ATAD2: variants seen among roughly 807,000 people sequenced by gnomAD.
ATAD2 encodes ATPase family AAA domain containing 2.
In ATAD2, 62 loss-of-function variants were observed where a neutral mutation model predicts 168.9. The observed-to-expected ratio is 0.37, with a 90% CI of 0.30 to 0.45. The LOEUF is 0.45. Ranked by LOEUF, ATAD2 falls within the 20% of genes least tolerant of loss-of-function variation. ATAD2 has a pLI of 1.00. For synonymous variants in ATAD2, 613 were observed against 571.6 expected, an observed-to-expected ratio of 1.07 and a Z score of -1.03; for missense variants, 1,419 against 1,667.8, an observed-to-expected ratio of 0.85 and a Z score of 2.60.
intron 1 of ATAD2, among the ~76,000 whole-genome samples, chr8:123,403,421 T>A (rs1208580545): frequency 4.0e-5 from 6 of 151,008 alleles, no homozygotes; most frequent in East Asian, 1.9e-4. Flanking sequence ...TTTTTTTTTT[T>A]AAACATTTAT....
At chr8:123,372,733 T>C (rs1334655107) in intron 2 of ATAD2, 47 bp from the exon 3 acceptor site, 1 of 1,427,822 alleles carries the variant, frequency 7.0e-7, no homozygotes, top group Admixed American at 2.1e-5. Flanking sequence ...GACATAACTT[T>C]ATTTTTATTT....
upstream of ATAD2, among the ~76,000 whole-genome samples, chr8:123,400,004 A>G (rs1812975613): frequency 6.6e-6 from 1 of 151,862 alleles, no homozygotes; most frequent in Non-Finnish European, 1.5e-5. This position sits in a 1 kb window ranked among gnomAD's most constrained non-coding sequence, Gnocchi z 4.5. Context: ...TCTCTACTAG[A>G]AATACAAAAA....
Position 123,371,532 on chromosome 8 carries a change from G to C in ATAD2, c.536+138C>G, listed in dbSNP as rs1450739773. ...GAGACATATACAGAATTGTCACAAA[G>C]ACCTCTGATAATCATTCTCCTGTAC... On this transcript the variant is annotated intron_variant, in intron 4 of 27. Coordinates refer to ENST00000287394, the MANE Select transcript of ATAD2 (RefSeq NM_014109.4). 5.9e-6 allele frequency: 5 copies of C among 853,058 alleles called. No homozygotes were observed. In the Admixed American group the frequency reaches 1.3e-4, roughly 23 times the overall value. 52.8% of individuals were successfully genotyped at this position (853,058 alleles called of 1,614,324 possible). A position where few individuals can be genotyped will look rare whatever the true frequency, so the allele number is the denominator to read the frequency against.
At chr8:123,394,913 G>A (rs1812756594) in intron 1 of ATAD2, among the ~76,000 whole-genome samples, 1 of 152,202 alleles carries the variant, frequency 6.6e-6, no homozygotes, top group South Asian at 2.1e-4. Flanking sequence ...GAGACTGAAG[G>A]GAGTGTAGTT....
chr8:123,403,314 G>A (rs933157219), intron 1 of ATAD2, among the ~76,000 whole-genome samples: 1 of 152,040 alleles, frequency 6.6e-6, no homozygotes, highest in African/African-American at 2.4e-5. Context: ...TGCCCAGGCT[G>A]GTCTCGAACT....
At chr8:123,393,873 C>T (rs1409536160) in intron 1 of ATAD2, among the ~76,000 whole-genome samples, 1 of 151,458 alleles carries the variant, frequency 6.6e-6, no homozygotes, top group Non-Finnish European at 1.5e-5. Context: ...GCCGAGATCA[C>T]GTCACTGCAC....
At position 123,359,287 on chromosome 8, in the gene ATAD2, TTTA is replaced by T. The variant is rs1828739368; in HGVS notation, c.1313_1315del (p.Leu438_Lys439delinsGln). 1 of 1,612,710 alleles carries T rather than the reference TTTA, an allele frequency of 6.2e-7. No homozygotes were observed. Among genetic ancestry groups the T allele is most frequent in the East Asian group, 2.2e-5 (1 of 44,836 alleles). ...AAGTAATGGAAACACCACCATCTCT[TTTA>T]GAGCTGCTATATGATTAGACAGGCC... On this transcript the variant is annotated inframe_deletion, in exon 11 of 28. Transcript: ENST00000287394.
At chr8:123,411,434 G>A (rs1386306135) in intron 1 of ATAD2, among the ~76,000 whole-genome samples, 2 of 152,156 alleles carry the variant, frequency 1.3e-5, no homozygotes, top group Non-Finnish European at 2.9e-5. Context: ...CCTGATGAGA[G>A]GGCGGACTGA....
At position 123,319,970 on chromosome 8, in the gene ATAD2, G is replaced by A. The variant is rs1201713135; in HGVS notation, c.*1164C>T. 1 of 152,046 alleles carries A rather than the reference G, an allele frequency of 6.6e-6. No individual in the cohort carries two copies. Among genetic ancestry groups the A allele is most frequent in the Non-Finnish European group, 1.5e-5 (1 of 68,012 alleles). The allele number at this position is 152,046 out of a possible 1,614,324, so 9.4% of individuals were successfully genotyped here. On this transcript the variant is annotated 3_prime_UTR_variant, in exon 28 of 28. Coordinates refer to ENST00000287394, the MANE Select transcript of ATAD2 (RefSeq NM_014109.4). ...AATAAACCAACAAAAATGAGAATGT[G>A]TATCTCCAGGAATATAAATATATTT...
At chr8:123,363,406 T>G (rs998647048) in intron 8 of ATAD2, among the ~76,000 whole-genome samples, 3 of 152,198 alleles carry the variant, frequency 2.0e-5, no homozygotes, top group African/African-American at 7.2e-5. Context: ...ACACTACATA[T>G]GTTGTGTGTT....
At chr8:123,321,270 A>C in intron 27 of ATAD2, 95 bp from the exon 28 acceptor site, 2 of 1,053,760 alleles carry the variant, frequency 1.9e-6, no homozygotes, top group Non-Finnish European at 2.8e-6. Flanking sequence ...CCTTAAGAAT[A>C]TTAATATTCA....
chr8:123,366,896 TAAAA>T (rs77797973), intron 8 of ATAD2, among the ~76,000 whole-genome samples: 3 of 146,348 alleles, frequency 2.0e-5, no homozygotes, highest in Non-Finnish European at 3.0e-5. Flanking sequence ...ATAAAAAATT[TAAAA>T]AAAAAAGAGG....
intron 1 of ATAD2, among the ~76,000 whole-genome samples, chr8:123,391,198 T>C (rs1024537825): frequency 6.6e-6 from 1 of 151,940 alleles, no homozygotes; most frequent in African/African-American, 2.4e-5. Flanking sequence ...GCTACTCTGA[T>C]TCTGGAAGAA....
intron 13 of ATAD2, 123 bp downstream of exon 13, chr8:123,356,266 C>G: frequency 1.4e-6 from 1 of 707,928 alleles, no homozygotes. Flanking sequence ...TGGGGTTCTA[C>G]TACCAAAAAA....
intron 26 of ATAD2, 150 bp downstream of exon 26, chr8:123,325,742 GA>G: frequency 9.9e-7 from 1 of 1,006,772 alleles, no homozygotes; most frequent in Non-Finnish European, 1.4e-6. Flanking sequence ...TGGAACAGGG[GA>G]AGGAGAAGAA....
intron 1 of ATAD2, among the ~76,000 whole-genome samples, chr8:123,412,646 G>A (rs147583398): frequency 1.3e-5 from 2 of 152,044 alleles, no homozygotes; most frequent in African/African-American, 2.4e-5. Context: ...TGTTGCTTAG[G>A]TTGGTCTCAA....
At chr8:123,361,278 C>G (rs1828811445) in intron 9 of ATAD2, among the ~76,000 whole-genome samples, 1 of 149,952 alleles carries the variant, frequency 6.7e-6, no homozygotes, top group African/African-American at 2.5e-5. Context: ...GATCACGCCA[C>G]TGTACTCCAG....
intron 20 of ATAD2, among the ~76,000 whole-genome samples, chr8:123,338,228 G>A (rs1018799948): frequency 1.4e-3 from 214 of 152,072 alleles, no homozygotes; most frequent in Non-Finnish European, 2.9e-4. Context: ...GGTGGCGTGC[G>A]CCTGTAGTCC....
In ATAD2 at chr8:123,328,583, C is replaced by A; in HGVS notation, c.3479-4G>T. Reference sequence around the variant, plus strand: ...CGAATTTTCCTCTTCAACTGAGCTTCAAGAAATTTAAAGAAAAATGATGAA... The same window carrying A: ...CGAATTTTCCTCTTCAACTGAGCTTAAAGAAATTTAAAGAAAAATGATGAA... On this transcript the variant is annotated splice_region_variant and splice_polypyrimidine_tract_variant and intron_variant, in intron 24 of 27. Transcript: ENST00000287394. The A allele has an allele frequency of 6.6e-7, 1 of 1,505,692 alleles. No individual in the cohort carries two copies. The allele number at this position is 1,505,692 out of a possible 1,614,324, so 93.3% of individuals were successfully genotyped here. A position where few individuals can be genotyped will look rare whatever the true frequency, so the allele number is the denominator to read the frequency against.
Sources: allele counts gnomAD v4.1 joint callset (sites outside exome capture counted in the v4.1 genomes callset), GRCh38; gene constraint gnomAD v4.1.1; non-coding constraint Gnocchi (gnomAD v3.1); transcripts MANE v1.5; gene names NCBI Gene and HGNC (gene_info 2026-07-23, HGNC 2026-07-21).